Variants in PTPRT observed in about 807,000 individuals in gnomAD.
The protein encoded by PTPRT is receptor-type tyrosine-protein phosphatase T.
Under a neutral mutation model 176.8 loss-of-function variants are expected in PTPRT, and 56 were observed. The observed-to-expected ratio is 0.32, with a 90% CI of 0.26 to 0.40. The LOEUF (loss-of-function observed/expected upper bound fraction) is 0.40. PTPRT is among the 10% of genes least tolerant of loss of function. The probability of loss-of-function intolerance (pLI) is 1.00; values close to 1 mark genes in which losing one functional copy is unlikely to be tolerated. For missense variants in PTPRT, 1,540 were observed against 1,908.2 expected, an observed-to-expected ratio of 0.81 and a Z score of 3.60; for synonymous variants, 783 against 739.0, an observed-to-expected ratio of 1.06 and a Z score of -0.96.
At chr20:42,953,556 T>A (rs1161603559) in intron 1 of PTPRT, among the ~76,000 whole-genome samples, 2 of 152,126 alleles carry the variant, frequency 1.3e-5, no homozygotes, top group Admixed American at 1.3e-4. Flanking sequence ...GGGGGAAGTA[T>A]CTTCTCACTT....
chr20:42,740,427 G>T (rs1249467087), intron 6 of PTPRT, among the ~76,000 whole-genome samples: 1 of 152,116 alleles, frequency 6.6e-6, no homozygotes, highest in Non-Finnish European at 1.5e-5. Context: ...GCTGAGAATG[G>T]CTCCTCATCT....
At chr20:43,122,995 C>T (rs574548591) in intron 1 of PTPRT, among the ~76,000 whole-genome samples, 14 of 152,194 alleles carry the variant, frequency 9.2e-5, no homozygotes, top group African/African-American at 3.1e-4. Flanking sequence ...ACTGGGATTA[C>T]AGGTGTGAGC....
intron 1 of PTPRT, chr20:42,966,420 G>A (rs1982296306): frequency 6.6e-6 from 1 of 152,044 alleles, no homozygotes; most frequent in Non-Finnish European, 1.5e-5. Flanking sequence ...AGTCCCTCCT[G>A]CTCTCTTATT....
intron 7 of PTPRT, among the ~76,000 whole-genome samples, chr20:42,646,993 C>T (rs573820606): frequency 1.5e-4 from 21 of 144,192 alleles, no homozygotes; most frequent in Non-Finnish European, 2.7e-4. Flanking sequence ...CTACTGGGCT[C>T]GAGCAATCCT....
chr20:42,732,329 T>C (rs1277480665), intron 6 of PTPRT, among the ~76,000 whole-genome samples: 2 of 152,224 alleles, frequency 1.3e-5, no homozygotes, highest in Non-Finnish European at 2.9e-5. Flanking sequence ...AGTATATGCT[T>C]GATCAGTTTC....
chr20:43,129,164 A>C (rs550105310), intron 1 of PTPRT, among the ~76,000 whole-genome samples: 1 of 152,212 alleles, frequency 6.6e-6, no homozygotes, highest in African/African-American at 2.4e-5. Flanking sequence ...ACTCTGCCCA[A>C]GGGGGTGTAG....
intron 1 of PTPRT, among the ~76,000 whole-genome samples, chr20:43,106,862 C>T (rs916675766): frequency 6.6e-5 from 10 of 151,970 alleles, no homozygotes; most frequent in Non-Finnish European, 1.2e-4. Context: ...ATGATCTTCA[C>T]TCACCACAAC....
chr20:42,771,371 T>C, intron 5 of PTPRT, 64 bp downstream of exon 5: 1 of 1,418,996 alleles, frequency 7.0e-7, no homozygotes, highest in Non-Finnish European at 9.9e-7. Flanking sequence ...AGCTGCTTCC[T>C]TCCAGTCCTT....
At chr20:42,942,822 G>A (rs1185802288) in intron 1 of PTPRT, among the ~76,000 whole-genome samples, 1 of 152,136 alleles carries the variant, frequency 6.6e-6, no homozygotes, top group Non-Finnish European at 1.5e-5. Context: ...ATTAATACAT[G>A]TAGAATATTT....
At position 42,628,267 on chromosome 20, in the gene PTPRT, G is replaced by A. The variant is rs569620957; in HGVS notation, c.1153+49599C>T. ...GATACAGAAAATAGCTCCTCAGTGG[G>A]ACAGGGGAGATGACAGCAGAGAAGC... On this transcript the variant is annotated intron_variant, in intron 7 of 30. Transcript: ENST00000373187. Among the ~76,000 whole-genome samples the A allele has an allele frequency of 2.4e-3, 364 of 152,258 alleles. 2 individuals carry two copies. Among genetic ancestry groups the A allele is most frequent in the Middle Eastern group, 0.01 (3 of 294 alleles).
chr20:42,313,425 C>T (rs552774643), intron 12 of PTPRT, among the ~76,000 whole-genome samples: 2 of 152,116 alleles, frequency 1.3e-5, no homozygotes, highest in South Asian at 2.1e-4. Flanking sequence ...GATCAGGACC[C>T]CTTTCCTGTA....
chr20:42,601,769 G>C (rs1305267768), intron 7 of PTPRT, among the ~76,000 whole-genome samples: 1 of 152,104 alleles, frequency 6.6e-6, no homozygotes, highest in African/African-American at 2.4e-5. Context: ...ATAAATAAAT[G>C]TCCCTTTGCA....
At chr20:42,862,424 T>G (rs868358298) in intron 2 of PTPRT, among the ~76,000 whole-genome samples, 1 of 152,148 alleles carries the variant, frequency 6.6e-6, no homozygotes, top group Non-Finnish European at 1.5e-5. Flanking sequence ...CCAGGATCAC[T>G]CTGGTGCCTG....
intron 16 of PTPRT, among the ~76,000 whole-genome samples, chr20:42,169,792 A>ACACACACAC (rs781141603): frequency 3.7e-4 from 35 of 95,438 alleles, no homozygotes; most frequent in South Asian, 1.2e-3. Context: ...ACACACACAC[A>ACACACACAC]ACAGTCAGTA....
intron 15 of PTPRT, among the ~76,000 whole-genome samples, chr20:42,217,376 TACAC>T (rs71335847): frequency 0.042 from 4,347 of 104,242 alleles, 142 homozygotes; most frequent in East Asian, 0.19. Context: ...CTCTCAAACA[TACAC>T]ACACACACAC....
chr20:42,468,986 G>A (rs1000669292), intron 8 of PTPRT, among the ~76,000 whole-genome samples: 3 of 152,114 alleles, frequency 2.0e-5, no homozygotes, highest in Non-Finnish European at 4.4e-5. Context: ...ATTTCTAGAT[G>A]TCTGGACATG....
the PTPRT span, among the ~76,000 whole-genome samples, chr20:42,038,243 C>A: frequency 0.44 from 66,620 of 152,022 alleles, 15,232 homozygotes; most frequent in Middle Eastern, 0.57. Flanking sequence ...ATAAGGAGAT[C>A]GGCTCAGAGA....
chr20:42,955,140 GATC>G (rs888299752), intron 1 of PTPRT, among the ~76,000 whole-genome samples: 4 of 152,072 alleles, frequency 2.6e-5, no homozygotes, highest in African/African-American at 9.7e-5. Flanking sequence ...TCATATTAAT[GATC>G]ATCATCAACA....
At chr20:42,685,008 A>T (rs1015687826) in intron 6 of PTPRT, among the ~76,000 whole-genome samples, 1 of 152,176 alleles carries the variant, frequency 6.6e-6, no homozygotes, top group Non-Finnish European at 1.5e-5. Flanking sequence ...GTAGATACCC[A>T]TCCAAAGTCA....
Sources: allele counts gnomAD v4.1 joint callset (sites outside exome capture counted in the v4.1 genomes callset), GRCh38; gene constraint gnomAD v4.1.1; transcripts MANE v1.5; gene names NCBI Gene and HGNC (gene_info 2026-07-23, HGNC 2026-07-21).